GLYATL2: variants seen among roughly 807,000 people sequenced by gnomAD.
GLYATL2 encodes the protein glycine N-acyltransferase-like protein 2.
Under a neutral mutation model 21.4 loss-of-function variants are expected in GLYATL2, and 25 were observed. That is an observed-to-expected ratio of 1.17 (90% CI 0.85 to 1.63). The LOEUF (loss-of-function observed/expected upper bound fraction) is 1.63. Among genes scored for constraint, GLYATL2 ranks in the 40% most tolerant of loss-of-function variants. The pLI, the probability that GLYATL2 is intolerant of heterozygous loss-of-function variation, is 0.00. For synonymous variants in GLYATL2, 114 were observed against 118.2 expected (o/e 0.96, Z 0.23); for missense variants, 361 against 343.3 (o/e 1.05, Z -0.41).
chr11:58,861,474 G>A (rs12578070), intron 1 of GLYATL2, among the ~76,000 whole-genome samples: 3,877 of 149,928 alleles, frequency 0.026, 119 homozygotes, highest in East Asian at 0.15. Flanking sequence ...TTTTCCCCTC[G>A]TCTGGATAAA....
intron 1 of GLYATL2, among the ~76,000 whole-genome samples, chr11:58,897,239 C>A (rs1029346063): frequency 6.6e-6 from 1 of 152,264 alleles, no homozygotes; most frequent in African/African-American, 2.4e-5. Flanking sequence ...ATGATTTCCT[C>A]CTTCCTTCCT....
chr11:58,873,531 C>G (rs1169145055), intron 1 of GLYATL2, among the ~76,000 whole-genome samples: 1 of 152,164 alleles, frequency 6.6e-6, no homozygotes, highest in Non-Finnish European at 1.5e-5. Flanking sequence ...TTTTCTGCAT[C>G]TATTGAGATA....
intron 1 of GLYATL2, chr11:58,892,600 G>A (rs922049876): frequency 7.4e-6 from 2 of 271,010 alleles, no homozygotes; most frequent in Admixed American, 3.9e-5. Context: ...TTAATCATGT[G>A]GGAGCAGTGT....
intron 5 of GLYATL2, among the ~76,000 whole-genome samples, chr11:58,835,696 C>A (rs977207411): frequency 6.6e-6 from 1 of 152,134 alleles, no homozygotes; most frequent in Admixed American, 6.5e-5. Context: ...CCTGGACTTG[C>A]TTCCTGAAAG....
intron 1 of GLYATL2, among the ~76,000 whole-genome samples, chr11:58,849,910 A>G (rs940625285): frequency 1.3e-5 from 2 of 152,160 alleles, no homozygotes; most frequent in African/African-American, 4.8e-5. Context: ...CGTTCAGCAC[A>G]TGTATCCCAG....
upstream of GLYATL2, among the ~76,000 whole-genome samples, chr11:58,845,866 T>A (rs1853633103): frequency 2.6e-5 from 4 of 152,162 alleles, no homozygotes; most frequent in South Asian, 8.3e-4. Context: ...CTTACAAACC[T>A]AAATCATCTA....
rs1271319185 is a variant in GLYATL2, at chr11:58,834,690, C to T, written c.624G>A (p.Glu208=). The change falls in exon 6 of 6, where the codon GAG becomes GAA. Residue 208 remains glutamate, a synonymous_variant. Coordinates refer to ENST00000287275, the MANE Select transcript of GLYATL2 (RefSeq NM_145016.4). ...DFLGFGVLGP[E]GQLVSWIVME... ...TCACAATCCAAGAGACAAGCTGGCC[C>T]TCTGGACCCAGCACACCAAATCCTA... 6.2e-7 allele frequency: 1 copy of T among 1,613,480 alleles called. No individual in the cohort carries two copies. Among genetic ancestry groups the T allele is most frequent in the African/African-American group, 1.3e-5 (1 of 75,028 alleles).
At chr11:58,860,382 G>A (rs1341672434) in intron 1 of GLYATL2, among the ~76,000 whole-genome samples, 1 of 151,988 alleles carries the variant, frequency 6.6e-6, no homozygotes, top group Non-Finnish European at 1.5e-5. Flanking sequence ...ATGCAAACAG[G>A]ATGATTTTCT....
At chr11:58,853,945 C>T (rs1219805838) in intron 1 of GLYATL2, among the ~76,000 whole-genome samples, 1 of 152,054 alleles carries the variant, frequency 6.6e-6, no homozygotes, top group Non-Finnish European at 1.5e-5. Context: ...ATCCTGTGAC[C>T]ATCTCCCCAG....
At chr11:58,889,985 G>A (rs1473699585) in intron 1 of GLYATL2, among the ~76,000 whole-genome samples, 1 of 152,062 alleles carries the variant, frequency 6.6e-6, no homozygotes, top group Non-Finnish European at 1.5e-5. Context: ...GGGGTTACAT[G>A]TGCAGATTTG....
upstream of GLYATL2, among the ~76,000 whole-genome samples, chr11:58,905,206 T>C (rs1360467991): frequency 1.3e-5 from 2 of 152,234 alleles, no homozygotes; most frequent in African/African-American, 4.8e-5. Flanking sequence ...CCCTTCCTCG[T>C]CCAGACTGGC....
chr11:58,839,291 A>G (rs1349484972), intron 2 of GLYATL2, among the ~76,000 whole-genome samples: 1 of 152,160 alleles, frequency 6.6e-6, no homozygotes, highest in Admixed American at 6.5e-5. Flanking sequence ...GAGGTATTGC[A>G]ATTACCTGGA....
intron 1 of GLYATL2, among the ~76,000 whole-genome samples, chr11:58,855,289 G>A (rs1853809310): frequency 6.6e-6 from 1 of 152,168 alleles, no homozygotes. Flanking sequence ...CAGAATGGAT[G>A]TATGTTAGCA....
At chr11:58,837,899 C>T (rs1206611167) in intron 3 of GLYATL2, among the ~76,000 whole-genome samples, 1 of 152,172 alleles carries the variant, frequency 6.6e-6, no homozygotes, top group Non-Finnish European at 1.5e-5. Flanking sequence ...CCTCCATATG[C>T]CTGCCTACCC....
At chr11:58,897,929 T>A (rs542828436) in intron 1 of GLYATL2, among the ~76,000 whole-genome samples, 1 of 152,288 alleles carries the variant, frequency 6.6e-6, no homozygotes, top group African/African-American at 2.4e-5. Context: ...CCCATATACA[T>A]TTTTTTCTTT....
chr11:58,901,018 G>T (rs79104182), intron 1 of GLYATL2, among the ~76,000 whole-genome samples: 1 of 152,132 alleles, frequency 6.6e-6, no homozygotes, highest in Admixed American at 6.5e-5. Context: ...GCGGAAACGC[G>T]CCTTCGCCTG....
chr11:58,864,209 A>G (rs1853983853), intron 1 of GLYATL2, among the ~76,000 whole-genome samples: 1 of 152,140 alleles, frequency 6.6e-6, no homozygotes, highest in Non-Finnish European at 1.5e-5. Context: ...CCTGGTGACT[A>G]AAGTTGCAGG....
In GLYATL2 at chr11:58,834,672, C is replaced by A. The variant is rs1325231563; in HGVS notation, c.642G>T (p.Trp214Cys). The change falls in exon 6 of 6, where the codon TGG (tryptophan) becomes TGT (cysteine). Residue 214 changes from tryptophan (W) to cysteine (C), a missense_variant. Coordinates refer to ENST00000287275, the MANE Select transcript of GLYATL2 (RefSeq NM_145016.4). ...ACTCACAGGACTGTTCCATCACAAT[C>A]CAAGAGACAAGCTGGCCCTCTGGAC... Reference protein sequence around the residue: ...VLGPEGQLVSWIVMEQSCELR... With the variant: ...VLGPEGQLVSCIVMEQSCELR... 6.2e-7 allele frequency: 1 copy of A among 1,613,526 alleles called. No individual in the cohort carries two copies. Among genetic ancestry groups the A allele is most frequent in the Non-Finnish European group, 8.5e-7 (1 of 1,179,980 alleles).
upstream of GLYATL2, among the ~76,000 whole-genome samples, chr11:58,846,111 C>G (rs1853637863): frequency 1.3e-5 from 2 of 152,066 alleles, no homozygotes; most frequent in South Asian, 4.1e-4. Context: ...AAAAATGGTC[C>G]ATTTCAACTA....
Sources: allele counts gnomAD v4.1 joint callset (sites outside exome capture counted in the v4.1 genomes callset), GRCh38; gene constraint gnomAD v4.1.1; transcripts MANE v1.5; gene names NCBI Gene and HGNC (gene_info 2026-07-23, HGNC 2026-07-21).